Variants in SPHKAP observed in about 807,000 individuals in gnomAD.
The protein encoded by SPHKAP is SPHK1 interactor, AKAP domain containing, also known as A-kinase anchor protein SPHKAP.
A neutral mutation model predicts 137.5 loss-of-function variants in SPHKAP; 67 were observed. The ratio of observed to expected loss-of-function variants is 0.49; its 90% confidence interval spans 0.40 to 0.60. SPHKAP has a LOEUF of 0.60. SPHKAP is among the 20% of genes least tolerant of loss of function. The pLI, the probability that SPHKAP is intolerant of heterozygous loss-of-function variation, is 0.00. For synonymous variants in SPHKAP, 813 were observed against 785.3 expected (o/e 1.04, Z -0.59); for missense variants, 2,097 against 2,069.3 (o/e 1.01, Z -0.26).
At chr2:228,170,755 G>A (rs1189287637) in intron 1 of SPHKAP, among the ~76,000 whole-genome samples, 4 of 152,004 alleles carry the variant, frequency 2.6e-5, no homozygotes, top group African/African-American at 9.7e-5. Context: ...AAAATTTTGT[G>A]CCTTACTTCA....
intron 3 of SPHKAP, among the ~76,000 whole-genome samples, chr2:228,038,308 T>C (rs1695710518): frequency 6.6e-6 from 1 of 152,160 alleles, no homozygotes; most frequent in African/African-American, 2.4e-5. Context: ...TCAGGGGACA[T>C]GTTTACAGTG....
intron 11 of SPHKAP, chr2:227,982,185 CAGTT>C: frequency 2.0e-6 from 2 of 984,434 alleles, no homozygotes; most frequent in African/African-American, 1.8e-5. Context: ...GCTTTTTTCT[CAGTT>C]AGACTTTCTG....
chr2:228,109,122 C>A (rs1267028731), intron 2 of SPHKAP, among the ~76,000 whole-genome samples, 183 bp from the exon 3 acceptor site: 2 of 151,984 alleles, frequency 1.3e-5, no homozygotes, highest in Non-Finnish European at 2.9e-5. Flanking sequence ...AAATATCCAA[C>A]CTAGAATTAG....
chr2:228,132,197 G>T, intron 1 of SPHKAP, 112 bp from the exon 2 acceptor site: 7 of 901,474 alleles, frequency 7.8e-6, no homozygotes, highest in Non-Finnish European at 1.0e-5. Flanking sequence ...TTTTCAGATT[G>T]CATTAAACAC....
chr2:228,019,272 A>T lies in SPHKAP; in HGVS notation c.1582T>A (p.Phe528Ile). Residue 528 changes from phenylalanine (F) to isoleucine (I), a missense_variant, in exon 7 of 12, where the codon TTT (phenylalanine) becomes ATT (isoleucine). Phe to Ile is a conservative substitution (Grantham distance 21, BLOSUM62 0). Coordinates refer to ENST00000392056, the MANE Select transcript of SPHKAP (RefSeq NM_001142644.2). Reference sequence around the variant, plus strand: ...AGTGCACCACTGCTCCCTGGGGGAAAGTTCGAGACCACTTGCTCCATTTTG... The same window carrying T: ...AGTGCACCACTGCTCCCTGGGGGAATGTTCGAGACCACTTGCTCCATTTTG... ...RLKMEQVVSN[F>I]PPGSSGALQT... is the part of the protein sequence containing the mutation. 4 of 1,613,984 alleles carry T rather than the reference A, an allele frequency of 2.5e-6. No individual in the cohort carries two copies. The highest frequency in any genetic ancestry group is 1.1e-5 in the South Asian group (1 of 91,068).
At chr2:227,991,532 C>T in intron 9 of SPHKAP, 1 of 985,358 alleles carries the variant, frequency 1.0e-6, no homozygotes, top group Non-Finnish European at 1.2e-6. Flanking sequence ...CCTCCTCCAA[C>T]AACAACAACA....
At chr2:228,098,747 A>G (rs966176641) in intron 3 of SPHKAP, among the ~76,000 whole-genome samples, 10 of 121,644 alleles carry the variant, frequency 8.2e-5, no homozygotes, top group Admixed American at 5.1e-4. Flanking sequence ...ATGTACCCTA[A>G]ACCTTAAAGT....
chr2:228,028,694 G>T (rs953342778), intron 3 of SPHKAP, among the ~76,000 whole-genome samples: 2 of 152,146 alleles, frequency 1.3e-5, no homozygotes, highest in African/African-American at 2.4e-5. Flanking sequence ...GGAGTAATAG[G>T]TTATACCATA....
Position 228,044,404 on chromosome 2 carries a change from G to C in SPHKAP, c.247-16861C>G, listed in dbSNP as rs77786958. On this transcript the variant is annotated intron_variant, in intron 3 of 11. Transcript: ENST00000392056. Reference sequence around the variant, plus strand: ...CTATATTAATAAAAGACATCAAGTGGTTCTTAGTTTCACGGGTACTCTAAG... The same window carrying C: ...CTATATTAATAAAAGACATCAAGTGCTTCTTAGTTTCACGGGTACTCTAAG... Among the ~76,000 whole-genome samples the C allele has an allele frequency of 2.8e-3, 419 of 152,172 alleles. 17 individuals carry two copies. The East Asian group carries it at 0.07, about 26-fold the overall frequency.
At chr2:228,141,583 ATTC>A (rs1411836252) in intron 1 of SPHKAP, among the ~76,000 whole-genome samples, 2 of 152,216 alleles carry the variant, frequency 1.3e-5, no homozygotes, top group Admixed American at 6.5e-5. Context: ...AGAAATTTCT[ATTC>A]TTCTGCTGAC....
intron 1 of SPHKAP, among the ~76,000 whole-genome samples, chr2:228,153,882 A>T (rs1337685635): frequency 1.3e-5 from 2 of 152,188 alleles, no homozygotes; most frequent in Admixed American, 6.6e-5. Context: ...AAAAATGTGG[A>T]TAGCATAAGA....
chr2:227,984,414 G>A (rs937152728), intron 11 of SPHKAP, among the ~76,000 whole-genome samples: 1 of 152,032 alleles, frequency 6.6e-6, no homozygotes, highest in African/African-American at 2.4e-5. Flanking sequence ...TGACATTTTA[G>A]GAACAGACTA....
Position 228,017,247 on chromosome 2 carries a change from C to T in SPHKAP, c.3607G>A (p.Glu1203Lys), listed in dbSNP as rs760142985. 9 of 1,613,934 alleles carry T rather than the reference C, an allele frequency of 5.6e-6. No individual in the cohort carries two copies. Among genetic ancestry groups the T allele is most frequent in the East Asian group, 4.5e-5 (2 of 44,878 alleles). Residue 1203 changes from glutamate to lysine, a missense_variant, in exon 7 of 12, where the codon GAA becomes AAA. Transcript: ENST00000392056. ...GAGGCACTTTCTCTGCTGTCTCTTTCGATGTCCCTCAGCATGTACCTGTAG... is the reference window on the plus strand; with the variant it reads ...GAGGCACTTTCTCTGCTGTCTCTTTTGATGTCCCTCAGCATGTACCTGTAG... ...EFYRYMLRDI[E>K]RDSRESASSR...
chr2:228,109,034 T>C, intron 2 of SPHKAP, 95 bp from the exon 3 acceptor site: 1 of 823,256 alleles, frequency 1.2e-6, no homozygotes, highest in South Asian at 2.2e-5. Context: ...TAAAAAAACC[T>C]GTAGGTGTTT....
At chr2:228,176,309 G>A (rs1700739412) in intron 1 of SPHKAP, among the ~76,000 whole-genome samples, 2 of 152,072 alleles carry the variant, frequency 1.3e-5, no homozygotes, top group South Asian at 4.1e-4. Flanking sequence ...TCTTTTAAAG[G>A]CCTTGATTTC....
rs1559153923 is a variant in SPHKAP at position 228,063,227 on chromosome 2, CCT to C, written c.247-35686_247-35685del. Among the ~76,000 whole-genome samples the C allele has an allele frequency of 2.6e-5, 4 of 151,600 alleles. No homozygotes were observed. The East Asian group carries it at 7.8e-4, about 29-fold the overall frequency. ...ATCTATCTATTTACCTGTCTATCTA[CCT>C]GTCTATCTACCTACCTATCTGCCAT... On this transcript the variant is annotated intron_variant, in intron 3 of 11. Transcript: ENST00000392056.
intron 4 of SPHKAP, among the ~76,000 whole-genome samples, chr2:228,026,704 CAT>C (rs1695046457): frequency 6.6e-6 from 1 of 152,156 alleles, no homozygotes; most frequent in African/African-American, 2.4e-5. Context: ...TAGTACTACA[CAT>C]ATGATGATAT....
At chr2:228,073,177 T>A (rs1471928027) in intron 3 of SPHKAP, among the ~76,000 whole-genome samples, 3 of 152,178 alleles carry the variant, frequency 2.0e-5, no homozygotes, top group Non-Finnish European at 4.4e-5. Flanking sequence ...ATCTAACAGC[T>A]CATTAGTGGC....
intron 1 of SPHKAP, among the ~76,000 whole-genome samples, chr2:228,133,558 T>C (rs1699334182): frequency 6.6e-6 from 1 of 152,210 alleles, no homozygotes; most frequent in Non-Finnish European, 1.5e-5. Context: ...TTAATATTTG[T>C]TCTTGTTGAC....
Sources: gnomAD v4.1 joint callset for allele counts (sites outside exome capture counted in the v4.1 genomes callset) on GRCh38, gnomAD v4.1.1 for gene constraint, MANE v1.5 for transcripts, NCBI Gene and HGNC (gene_info 2026-07-23, HGNC 2026-07-21) for gene names.